Variants in KLHL1 observed in about 807,000 individuals in gnomAD.
The protein encoded by KLHL1 is kelch like family member 1, also known as kelch-like protein 1.
Under a neutral mutation model 77.7 loss-of-function variants are expected in KLHL1, and 47 were observed. The observed-to-expected ratio is 0.60, with a 90% CI of 0.48 to 0.77. The LOEUF is 0.77. KLHL1 is among the 30% of genes least tolerant of loss of function. The pLI is 0.00. For synonymous variants in KLHL1, 360 were observed against 325.2 expected, an observed-to-expected ratio of 1.11 and a Z score of -1.15; for missense variants, 925 against 910.8, an observed-to-expected ratio of 1.02 and a Z score of -0.20.
intron 8 of KLHL1, 72 bp downstream of exon 8, chr13:69,740,322 C>A: frequency 9.2e-7 from 1 of 1,083,068 alleles, no homozygotes; most frequent in Non-Finnish European, 1.3e-6. Flanking sequence ...CTTATTAAAA[C>A]TTATTTTTCA....
intron 7 of KLHL1, among the ~76,000 whole-genome samples, chr13:69,747,370 T>C (rs1297361798): frequency 2.6e-5 from 4 of 152,046 alleles, no homozygotes; most frequent in Non-Finnish European, 4.4e-5. Flanking sequence ...AGTGCTACCA[T>C]TGATATAGTC....
chr13:70,049,109 CTTT>C (rs745632188), intron 1 of KLHL1, among the ~76,000 whole-genome samples: 12 of 152,006 alleles, frequency 7.9e-5, no homozygotes, highest in Admixed American at 1.3e-4. Context: ...TTAGAAAATA[CTTT>C]TTTAACTAAT....
intron 5 of KLHL1, among the ~76,000 whole-genome samples, chr13:69,848,525 A>G (rs1391483390): frequency 1.3e-5 from 2 of 151,602 alleles, no homozygotes; most frequent in East Asian, 3.9e-4. Flanking sequence ...TCCTACTGAC[A>G]TAACTACTAT....
At chr13:69,817,005 C>T (rs989945399) in intron 6 of KLHL1, among the ~76,000 whole-genome samples, 34 of 151,742 alleles carry the variant, frequency 2.2e-4, no homozygotes, top group African/African-American at 7.7e-4. Flanking sequence ...ATAAAAAAAG[C>T]TTTACAACAA....
At chr13:69,979,899 C>T (rs1260444612) in intron 1 of KLHL1, among the ~76,000 whole-genome samples, 1 of 152,194 alleles carries the variant, frequency 6.6e-6, no homozygotes, top group East Asian at 1.9e-4. Flanking sequence ...ATACCCATGT[C>T]TTGAAAGAAT....
chr13:69,862,599 A>T (rs12867044), intron 5 of KLHL1, among the ~76,000 whole-genome samples: 48,262 of 151,776 alleles, frequency 0.32, 8,131 homozygotes, highest in African/African-American at 0.44. Context: ...CTATGTACTG[A>T]ATTGTGTCCC....
chr13:69,915,340 C>G (rs1882390180), intron 4 of KLHL1, among the ~76,000 whole-genome samples: 1 of 152,178 alleles, frequency 6.6e-6, no homozygotes, highest in South Asian at 2.1e-4. Flanking sequence ...TGACTTCAAA[C>G]TATACTACAA....
At chr13:69,733,693 A>C (rs1396119484) in intron 8 of KLHL1, among the ~76,000 whole-genome samples, 1 of 152,200 alleles carries the variant, frequency 6.6e-6, no homozygotes, top group African/African-American at 2.4e-5. Context: ...GTCGGATGTT[A>C]CCAAGTCAGT....
Position 69,816,727 on chromosome 13 carries a change from A to G in KLHL1, c.1415-19765T>C, listed in dbSNP as rs377430097. Among the ~76,000 whole-genome samples the G allele has an allele frequency of 8.5e-5, 13 of 152,322 alleles. 1 individual carries two copies. The South Asian group carries it at 2.1e-3, about 24-fold the overall frequency. ...AAAAGGTAAGCCAAAACTTAAACTTATTATTTCTACCATTATTAGTTAGCT... is the reference window on the plus strand; with the variant it reads ...AAAAGGTAAGCCAAAACTTAAACTTGTTATTTCTACCATTATTAGTTAGCT... On this transcript the variant is annotated intron_variant, in intron 6 of 10. Transcript: ENST00000377844.
chr13:69,709,865 G>T (rs9317834), intron 9 of KLHL1, among the ~76,000 whole-genome samples: 131,868 of 151,764 alleles, frequency 0.87, 57,797 homozygotes, highest in East Asian at 1. Flanking sequence ...TTTTTGTTTG[G>T]CAGAAAATTT....
intron 3 of KLHL1, among the ~76,000 whole-genome samples, chr13:69,953,875 T>C (rs1306494951): frequency 2.6e-5 from 4 of 151,322 alleles, no homozygotes; most frequent in African/African-American, 7.3e-5. Context: ...AAAAAACTTA[T>C]AAAATCACAC....
At chr13:69,905,157 T>C (rs1226904828) in intron 4 of KLHL1, among the ~76,000 whole-genome samples, 2 of 152,144 alleles carry the variant, frequency 1.3e-5, no homozygotes, top group African/African-American at 2.4e-5. Flanking sequence ...TTGTCATAAA[T>C]CTTCAAGCAA....
chr13:69,757,784 C>A (rs564289837), intron 7 of KLHL1, among the ~76,000 whole-genome samples: 2 of 140,742 alleles, frequency 1.4e-5, no homozygotes, highest in Admixed American at 1.4e-4. Context: ...GGTGAAATCT[C>A]GTCCCTACTA....
At chr13:69,929,000 A>G (rs2138278079) in intron 4 of KLHL1, among the ~76,000 whole-genome samples, 1 of 152,278 alleles carries the variant, frequency 6.6e-6, no homozygotes, top group Non-Finnish European at 1.5e-5. Context: ...ATCATCTCTT[A>G]TGCTCAAATA....
At chr13:69,978,486 ATAT>A (rs1884612065) in intron 1 of KLHL1, among the ~76,000 whole-genome samples, 3 of 48,432 alleles carry the variant, frequency 6.2e-5, no homozygotes, top group Admixed American at 7.8e-4. Context: ...TCTGGTCAGA[ATAT>A]TTTTTTTTTT....
intron 4 of KLHL1, among the ~76,000 whole-genome samples, chr13:69,917,310 A>G (rs1220930760): frequency 6.6e-6 from 1 of 152,108 alleles, no homozygotes; most frequent in Non-Finnish European, 1.5e-5. Flanking sequence ...ACTAAAATCA[A>G]CCAATTCTAA....
chr13:69,889,166 T>C (rs1881333761), intron 4 of KLHL1, among the ~76,000 whole-genome samples: 1 of 152,100 alleles, frequency 6.6e-6, no homozygotes, highest in African/African-American at 2.4e-5. Flanking sequence ...CTTAATGTTG[T>C]TGCACTGACA....
At chr13:69,835,466 T>C (rs1878949319) in intron 6 of KLHL1, among the ~76,000 whole-genome samples, 1 of 152,088 alleles carries the variant, frequency 6.6e-6, no homozygotes, top group Non-Finnish European at 1.5e-5. Context: ...ATCTGGAGCA[T>C]CTGCCTTGGG....
intron 1 of KLHL1, among the ~76,000 whole-genome samples, chr13:70,089,103 T>C (rs868452131): frequency 9.2e-5 from 14 of 152,314 alleles, no homozygotes; most frequent in Non-Finnish European, 8.8e-5. Flanking sequence ...CAATCCATAT[T>C]GTTAATCAAC....
Sources: gnomAD v4.1 joint callset for allele counts (sites outside exome capture counted in the v4.1 genomes callset) on GRCh38, gnomAD v4.1.1 for gene constraint, MANE v1.5 for transcripts, NCBI Gene and HGNC (gene_info 2026-07-23, HGNC 2026-07-21) for gene names.